Variants in OR9Q2 observed in about 807,000 individuals in gnomAD.
The protein encoded by OR9Q2 is olfactory receptor 9Q2.
In OR9Q2, 2 loss-of-function variants were observed where a neutral mutation model predicts 2.3. The observed-to-expected ratio is 0.85, with a 90% CI of 0.35 to 2.68. OR9Q2 has a LOEUF of 2.68. Among genes scored for constraint, OR9Q2 ranks in the 30% most tolerant of loss-of-function variants. The pLI is 0.10. For missense variants in OR9Q2, 404 were observed against 395.7 expected, an observed-to-expected ratio of 1.02 and a Z score of -0.18; for synonymous variants, 178 against 158.6, an observed-to-expected ratio of 1.12 and a Z score of -0.92.
At position 58,193,166 on chromosome 11, in the gene OR9Q2, A is replaced by C. The variant is rs976526790; in HGVS notation, c.*1731A>C. ...TGTTATTAATTACTGTTATTAATTC[A>C]TGTTAGTATGGTGCTTGTCCAGGCT... On this transcript the variant is annotated 3_prime_UTR_variant, in exon 2 of 2. Coordinates refer to ENST00000641291, the MANE Select transcript of OR9Q2 (RefSeq NM_001005283.3). 3 of 152,196 alleles carry C rather than the reference A, an allele frequency of 2.0e-5. No individual in the cohort carries two copies. The highest frequency in any genetic ancestry group is 7.2e-5 in the African/African-American group (3 of 41,444). The allele number at this position is 152,196 out of a possible 1,614,324, so 9.4% of individuals were successfully genotyped here. A position where few individuals can be genotyped will look rare whatever the true frequency, so the allele number is the denominator to read the frequency against.
Position 58,191,915 on chromosome 11 carries a change from C to G in OR9Q2, c.*480C>G, listed in dbSNP as rs1350024372. 1 of 155,238 alleles carries G rather than the reference C, an allele frequency of 6.4e-6. No individual in the cohort carries two copies. The highest frequency in any genetic ancestry group is 1.4e-5 in the Non-Finnish European group (1 of 69,876). The allele number at this position is 155,238 out of a possible 1,614,324, so 9.6% of individuals were successfully genotyped here. A position where few individuals can be genotyped will look rare whatever the true frequency, so the allele number is the denominator to read the frequency against. ...ACAAGGATCGCCTCTGTCTTATTCA[C>G]TAGTATCTGCAGAACACAGTGCATT... On this transcript the variant is annotated 3_prime_UTR_variant, in exon 2 of 2. Transcript: ENST00000641291.
In OR9Q2 at chr11:58,190,645, A is replaced by G. The variant is rs1363257146; in HGVS notation, c.155A>G (p.Asp52Gly). Reference protein sequence around the residue: ...NTGMILLIRGDRRLHTPMYFF... With the variant: ...NTGMILLIRGGRRLHTPMYFF... Reference sequence around the variant, plus strand: ...GGCATGATCCTCCTGATCCGTGGCGATCGTCGGCTCCACACCCCGATGTAC... The same window carrying G: ...GGCATGATCCTCCTGATCCGTGGCGGTCGTCGGCTCCACACCCCGATGTAC... The change falls in exon 2 of 2, where the codon GAT becomes GGT. Residue 52 changes from aspartate to glycine, a missense_variant. Physicochemically the swap from Asp to Gly is moderately conservative, Grantham distance 94. Coordinates refer to ENST00000641291, the MANE Select transcript of OR9Q2 (RefSeq NM_001005283.3). 1.1e-5 allele frequency: 17 copies of G among 1,614,016 alleles called. No individual in the cohort carries two copies. The highest frequency in any genetic ancestry group is 4.5e-5 in the East Asian group (2 of 44,868).
In OR9Q2 at chr11:58,191,505, T is replaced by C; in HGVS notation, c.*70T>C. 4.6e-6 allele frequency: 5 copies of C among 1,087,562 alleles called. No homozygotes were observed. Among genetic ancestry groups the C allele is most frequent in the Non-Finnish European group, 6.6e-6 (5 of 757,406 alleles). 67.4% of individuals were successfully genotyped at this position (1,087,562 alleles called of 1,614,324 possible). ...TCTGTCTTTTCTCAATAGCACCTTC[T>C]GGAGAGACTTTCCTAAATAACCCTA... On this transcript the variant is annotated 3_prime_UTR_variant, in exon 2 of 2. Coordinates refer to ENST00000641291, the MANE Select transcript of OR9Q2 (RefSeq NM_001005283.3).
At position 58,190,656 on chromosome 11, in the gene OR9Q2, C is replaced by T. The variant is rs199666697; in HGVS notation, c.166C>T (p.His56Tyr). The part of the protein sequence containing the change: ...ILLIRGDRRL[H>Y]TPMYFFLSHL... ...CCTGATCCGTGGCGATCGTCGGCTC[C>T]ACACCCCGATGTACTTCTTCCTCAG... The change falls in exon 2 of 2, where the codon CAC becomes TAC. Residue 56 changes from histidine (H) to tyrosine (Y), a missense_variant. Physicochemically the swap from His to Tyr is moderately conservative, Grantham distance 83. Coordinates refer to ENST00000641291, the MANE Select transcript of OR9Q2 (RefSeq NM_001005283.3). 6.4e-5 allele frequency: 104 copies of T among 1,614,080 alleles called. No individual in the cohort carries two copies. The highest frequency in any genetic ancestry group is 7.5e-5 in the Non-Finnish European group (89 of 1,180,044).
intron 1 of OR9Q2, among the ~76,000 whole-genome samples, chr11:58,189,434 A>G (rs1854737792): frequency 6.6e-6 from 1 of 152,206 alleles, no homozygotes; most frequent in African/African-American, 2.4e-5. Context: ...GGGCATTAGC[A>G]AAGTAGAATT....
Position 58,191,333 on chromosome 11 carries a change from G to T in OR9Q2, c.843G>T (p.Val281=), listed in dbSNP as rs1482123264. ...DRVVSVLYTV[V]TPMLNPLIYS... ...TGGTGTCTGTGCTCTACACGGTGGTGACCCCAATGCTGAATCCCCTTATCT... is the reference window on the plus strand; with the variant it reads ...TGGTGTCTGTGCTCTACACGGTGGTTACCCCAATGCTGAATCCCCTTATCT... Residue 281 remains valine, a synonymous_variant, in exon 2 of 2, where the codon GTG becomes GTT. Transcript: ENST00000641291. 6.2e-7 allele frequency: 1 copy of T among 1,613,960 alleles called. No homozygotes were observed. Among genetic ancestry groups the T allele is most frequent in the African/African-American group, 1.3e-5 (1 of 74,890 alleles).
rs372937363 is a variant in OR9Q2, at chr11:58,190,586, G to T, written c.96G>T (p.Leu32Phe). The change falls in exon 2 of 2, where the codon TTG (leucine) becomes TTT (phenylalanine). Residue 32 changes from leucine (L) to phenylalanine (F), a missense_variant. Coordinates refer to ENST00000641291, the MANE Select transcript of OR9Q2 (RefSeq NM_001005283.3). ...QWRVPLFLIF[L>F]SFYLATMLGN... ...GGGTTCCTCTCTTCCTCATATTTTT[G>T]AGTTTCTATCTTGCCACTATGTTAG... The T allele has an allele frequency of 4.0e-5, 64 of 1,613,920 alleles. No individual in the cohort carries two copies. In the African/African-American group the frequency reaches 8.0e-4, roughly 20 times the overall value.
rs191076661 is a variant in OR9Q2, at chr11:58,192,040, C to T, written c.*605C>T. On this transcript the variant is annotated 3_prime_UTR_variant, in exon 2 of 2. Transcript: ENST00000641291. ...GCTGTTTTGATCCAAAGGTATTTTC[C>T]AAATTTTGTCATTTATTCATTTATT... The T allele has an allele frequency of 7.9e-5, 12 of 151,824 alleles. No individual in the cohort carries two copies. The East Asian group carries it at 2.3e-3, about 29-fold the overall frequency. 9.4% of individuals were successfully genotyped at this position (151,824 alleles called of 1,614,324 possible).
chr11:58,190,870 G>A lies in OR9Q2; in HGVS notation c.380G>A (p.Cys127Tyr), dbSNP rs1486745627. ...IMAYDRYTAV[C>Y]QPLLYVTIIT... The stretch of plus-strand genomic sequence containing the variant: ...GCCTATGACCGCTACACGGCCGTGT[G>A]CCAGCCCCTGCTTTATGTCACCATC... The change falls in exon 2 of 2, where the codon TGC (cysteine) becomes TAC (tyrosine). Residue 127 changes from cysteine (C) to tyrosine (Y), a missense_variant. Physicochemically the swap from Cys to Tyr is radical, Grantham distance 194. Coordinates refer to ENST00000641291, the MANE Select transcript of OR9Q2 (RefSeq NM_001005283.3). 1 of 1,614,166 alleles carries A rather than the reference G, an allele frequency of 6.2e-7. No homozygotes were observed. Among genetic ancestry groups the A allele is most frequent in the Non-Finnish European group, 8.5e-7 (1 of 1,180,034 alleles).
rs778447474 is a variant in OR9Q2, at chr11:58,191,014, A to G, written c.524A>G (p.Asn175Ser). 28 of 1,613,960 alleles carry G rather than the reference A, an allele frequency of 1.7e-5. 1 individual carries two copies. The highest frequency in any genetic ancestry group is 1.2e-4 in the South Asian group (11 of 91,078). Residue 175 changes from asparagine to serine, a missense_variant, in exon 2 of 2, where the codon AAC (asparagine) becomes AGC (serine). Asn to Ser is a conservative substitution (Grantham distance 46). Transcript: ENST00000641291. ...TLSFCGNNEI[N>S]FIFCDLPPLL... ...TCCTTTTGTGGAAACAATGAGATCA[A>G]CTTCATTTTCTGTGACCTCCCTCCT...
intron 1 of OR9Q2, among the ~76,000 whole-genome samples, chr11:58,189,950 G>A (rs1854742371): frequency 1.3e-5 from 2 of 152,160 alleles, no homozygotes; most frequent in African/African-American, 4.8e-5. Context: ...AGAGCCCATT[G>A]CTGATTGCTA....
At chr11:58,189,349 G>A (rs1854736775) in intron 1 of OR9Q2, among the ~76,000 whole-genome samples, 1 of 152,178 alleles carries the variant, frequency 6.6e-6, no homozygotes, top group Non-Finnish European at 1.5e-5. Context: ...CTTACATGCA[G>A]TGTGGGTGAA....
rs1250019554 is a variant in OR9Q2, at chr11:58,191,177, C to T, written c.687C>T (p.His229=). Reference sequence around the variant, plus strand: ...TCATTGTGGCCATCCTGCAGATCCACTCTGCTGGAGGCCGGGCCAAGACCT... The same window carrying T: ...TCATTGTGGCCATCCTGCAGATCCATTCTGCTGGAGGCCGGGCCAAGACCT... ...LFIIVAILQI[H]SAGGRAKTFS... The change falls in exon 2 of 2, where the codon CAC becomes CAT. Residue 229 remains histidine (H), a synonymous_variant. Coordinates refer to ENST00000641291, the MANE Select transcript of OR9Q2 (RefSeq NM_001005283.3). 1.2e-6 allele frequency: 2 copies of T among 1,614,036 alleles called. No individual in the cohort carries two copies. The highest frequency in any genetic ancestry group is 2.7e-5 in the African/African-American group (2 of 74,914).
At position 58,191,487 on chromosome 11, in the gene OR9Q2, T is replaced by C. The variant is rs748586145; in HGVS notation, c.*52T>C. On this transcript the variant is annotated 3_prime_UTR_variant, in exon 2 of 2. Coordinates refer to ENST00000641291, the MANE Select transcript of OR9Q2 (RefSeq NM_001005283.3). ...CTTAGTTTCCCCATCTTTTCTGTCTTTTCTCAATAGCACCTTCTGGAGAGA... is the reference window on the plus strand; with the variant it reads ...CTTAGTTTCCCCATCTTTTCTGTCTCTTCTCAATAGCACCTTCTGGAGAGA... The C allele has an allele frequency of 1.4e-5, 19 of 1,324,552 alleles. No homozygotes were observed. The Middle Eastern group carries it at 5.7e-4, about 40-fold the overall frequency. 82.0% of individuals were successfully genotyped at this position (1,324,552 alleles called of 1,614,324 possible). A position where few individuals can be genotyped will look rare whatever the true frequency, so the allele number is the denominator to read the frequency against.
At position 58,191,199 on chromosome 11, in the gene OR9Q2, A is replaced by G. The variant is rs1429063468; in HGVS notation, c.709A>G (p.Thr237Ala). The change falls in exon 2 of 2, where the codon ACC (threonine) becomes GCC (alanine). Residue 237 changes from threonine to alanine, a missense_variant. By Grantham distance (58) the Thr-to-Ala change is moderately conservative (BLOSUM62 0). Coordinates refer to ENST00000641291, the MANE Select transcript of OR9Q2 (RefSeq NM_001005283.3). ...CCACTCTGCTGGAGGCCGGGCCAAGACCTTCTCCACCTGCGCCTCCCACCT... is the reference window on the plus strand; with the variant it reads ...CCACTCTGCTGGAGGCCGGGCCAAGGCCTTCTCCACCTGCGCCTCCCACCT... ...QIHSAGGRAK[T>A]FSTCASHLTA... 4 of 1,613,834 alleles carry G rather than the reference A, an allele frequency of 2.5e-6. No homozygotes were observed. The highest frequency in any genetic ancestry group is 8.5e-7 in the Non-Finnish European group (1 of 1,179,972).
intron 1 of OR9Q2, among the ~76,000 whole-genome samples, chr11:58,189,937 A>C (rs1854742187): frequency 1.3e-5 from 2 of 152,230 alleles, no homozygotes; most frequent in African/African-American, 4.8e-5. Flanking sequence ...TATTCCTACA[A>C]GCAGAGCCCA....
In OR9Q2 at chr11:58,192,124, A is replaced by ATAATAATAATAATAATAATAC. The variant is rs1854771324; in HGVS notation, c.*709_*710insCTAATAATAATAATAATAATA. ...TTGAATAACAATGAGGAAAATAATAATAATAATAATAATAATAATAATAGC... is the reference window on the plus strand; with the variant it reads ...TTGAATAACAATGAGGAAAATAATAATAATAATAATAATAATAATACTAATAATAATAATAATAATAATAGC... On this transcript the variant is annotated 3_prime_UTR_variant, in exon 2 of 2. Coordinates refer to ENST00000641291, the MANE Select transcript of OR9Q2 (RefSeq NM_001005283.3). 1 of 149,290 alleles carries ATAATAATAATAATAATAATAC rather than the reference A, an allele frequency of 6.7e-6. No homozygotes were observed. The highest frequency in any genetic ancestry group is 2.1e-4 in the South Asian group (1 of 4,768). The allele number at this position is 149,290 out of a possible 1,614,324, so 9.2% of individuals were successfully genotyped here.
At chr11:58,189,902 C>A (rs1335250863) in intron 1 of OR9Q2, among the ~76,000 whole-genome samples, 1 of 152,164 alleles carries the variant, frequency 6.6e-6, no homozygotes, top group Non-Finnish European at 1.5e-5. Context: ...GTTAAACTTG[C>A]ATGTTGTTAG....
At position 58,191,344 on chromosome 11, in the gene OR9Q2, T is replaced by G. The variant is rs1565101792; in HGVS notation, c.854T>G (p.Leu285Arg). ...CTCTACACGGTGGTGACCCCAATGC[T>G]GAATCCCCTTATCTATAGCCTGAGA... is the stretch of plus-strand genomic sequence containing the variant. ...SVLYTVVTPM[L>R]NPLIYSLRNK... The change falls in exon 2 of 2, where the codon CTG (leucine) becomes CGG (arginine). Residue 285 changes from leucine to arginine, a missense_variant. Coordinates refer to ENST00000641291, the MANE Select transcript of OR9Q2 (RefSeq NM_001005283.3). 6.2e-7 allele frequency: 1 copy of G among 1,614,122 alleles called. No homozygotes were observed. The highest frequency in any genetic ancestry group is 1.1e-5 in the South Asian group (1 of 91,068).
Sources: allele counts gnomAD v4.1 joint callset (sites outside exome capture counted in the v4.1 genomes callset), GRCh38; gene constraint gnomAD v4.1.1; transcripts MANE v1.5; gene names NCBI Gene and HGNC (gene_info 2026-07-23, HGNC 2026-07-21).